Variants in CCSER1 observed in about 807,000 individuals in gnomAD.
CCSER1 encodes the protein serine-rich coiled-coil domain-containing protein 1.
In CCSER1, 41 loss-of-function variants were observed where a neutral mutation model predicts 82.0. That is an observed-to-expected ratio of 0.50 (90% CI 0.39 to 0.65). The LOEUF (loss-of-function observed/expected upper bound fraction) is 0.65. Ranked by LOEUF, CCSER1 falls within the 30% of genes least tolerant of loss-of-function variation. The pLI is 0.00. For missense variants in CCSER1, 1,119 were observed against 1,064.2 expected (o/e 1.05, Z -0.72); for synonymous variants, 414 against 383.9 (o/e 1.08, Z -0.92).
intron 3 of CCSER1, among the ~76,000 whole-genome samples, chr4:90,349,089 A>T (rs1742945343): frequency 6.6e-6 from 1 of 152,108 alleles, no homozygotes; most frequent in South Asian, 2.1e-4. Flanking sequence ...ACTGTAAGGG[A>T]TTCTGTTTTA....
intron 10 of CCSER1, among the ~76,000 whole-genome samples, chr4:91,479,529 G>T (rs897979694): frequency 5.9e-5 from 9 of 151,542 alleles, no homozygotes; most frequent in African/African-American, 2.2e-4. Context: ...ATAATGAAAG[G>T]TAAATCAAAT....
At chr4:90,877,608 T>A (rs571564360) in intron 8 of CCSER1, among the ~76,000 whole-genome samples, 2 of 151,956 alleles carry the variant, frequency 1.3e-5, no homozygotes, top group South Asian at 4.1e-4. Flanking sequence ...ACACAGATAA[T>A]TTGCTGAATA....
chr4:90,413,809 C>T (rs941147066), intron 4 of CCSER1, among the ~76,000 whole-genome samples: 6 of 149,626 alleles, frequency 4.0e-5, no homozygotes, highest in African/African-American at 1.2e-4. Context: ...ATTAGCCGCG[C>T]GTAGTGGCGG....
intron 3 of CCSER1, among the ~76,000 whole-genome samples, chr4:90,345,350 A>C (rs999440089): frequency 2.0e-5 from 3 of 152,112 alleles, no homozygotes; most frequent in Non-Finnish European, 2.9e-5. Context: ...TTTGGAATTG[A>C]AAAATTTTAA....
chr4:91,423,069 A>G (rs6835588), intron 10 of CCSER1, among the ~76,000 whole-genome samples: 21,596 of 152,126 alleles, frequency 0.14, 2,077 homozygotes, highest in African/African-American at 0.27. Flanking sequence ...ATGAAAATGC[A>G]TATCTTCTTT....
intron 5 of CCSER1, among the ~76,000 whole-genome samples, chr4:90,624,964 T>G (rs919687796): frequency 3.9e-5 from 6 of 152,218 alleles, no homozygotes; most frequent in Admixed American, 1.3e-4. Flanking sequence ...TTATGGTGAT[T>G]AATGAACCAC....
chr4:90,289,083 G>T (rs911222604), intron 1 of CCSER1, among the ~76,000 whole-genome samples: 1 of 151,932 alleles, frequency 6.6e-6, no homozygotes, highest in Non-Finnish European at 1.5e-5. Context: ...GAATGTTGCT[G>T]TGGGGTATTA....
At chr4:90,448,704 T>C (rs998974816) in intron 4 of CCSER1, among the ~76,000 whole-genome samples, 49 of 151,928 alleles carry the variant, frequency 3.2e-4, no homozygotes, top group Non-Finnish European at 5.7e-4. Flanking sequence ...AATCTATTTT[T>C]GTTGTTAATT....
At chr4:90,431,166 G>A (rs1449775163) in intron 4 of CCSER1, among the ~76,000 whole-genome samples, 1 of 152,038 alleles carries the variant, frequency 6.6e-6, no homozygotes, top group South Asian at 2.1e-4. Context: ...ATGGAGGAAT[G>A]TTAATTTAAA....
chr4:91,373,809 C>T (rs1750206098), intron 10 of CCSER1, among the ~76,000 whole-genome samples: 1 of 152,080 alleles, frequency 6.6e-6, no homozygotes, highest in Admixed American at 6.6e-5. Flanking sequence ...CAGCAATTAG[C>T]CACGTTGTGA....
chr4:91,059,843 C>T (rs976692140), intron 9 of CCSER1, among the ~76,000 whole-genome samples: 3 of 151,948 alleles, frequency 2.0e-5, no homozygotes, highest in African/African-American at 4.8e-5. Context: ...TGCTTTGGGG[C>T]AATGATTTTC....
At chr4:90,906,978 A>G (rs1404139055) in intron 8 of CCSER1, among the ~76,000 whole-genome samples, 3 of 152,162 alleles carry the variant, frequency 2.0e-5, no homozygotes, top group Non-Finnish European at 4.4e-5. Context: ...GGGGCAATAA[A>G]TTGCAAAATA....
At chr4:90,904,582 G>A (rs187305097) in intron 8 of CCSER1, among the ~76,000 whole-genome samples, 1 of 152,254 alleles carries the variant, frequency 6.6e-6, no homozygotes, top group East Asian at 1.9e-4. Context: ...TATAATGCCT[G>A]AATGCTCTGG....
At chr4:90,670,376 A>C (rs984678895) in intron 6 of CCSER1, among the ~76,000 whole-genome samples, 1 of 152,122 alleles carries the variant, frequency 6.6e-6, no homozygotes, top group Non-Finnish European at 1.5e-5. Context: ...AATTCACTAA[A>C]GCAAGAAGGT....
chr4:90,502,903 AGT>A (rs928466443), intron 5 of CCSER1, among the ~76,000 whole-genome samples: 19 of 152,130 alleles, frequency 1.2e-4, no homozygotes, highest in African/African-American at 2.9e-4. Flanking sequence ...TGTTTTCTCA[AGT>A]GAAACCAATA....
chr4:90,366,353 C>T (rs891913772), intron 3 of CCSER1, among the ~76,000 whole-genome samples: 1 of 151,532 alleles, frequency 6.6e-6, no homozygotes, highest in African/African-American at 2.4e-5. Flanking sequence ...TAACAGAGAA[C>T]TGGGTTTAAC....
rs1751181780 is a variant in CCSER1, at chr4:90,766,118, G to A, written c.2010+42127G>A. 3.3e-5 allele frequency among the ~76,000 whole-genome samples: 5 copies of A among 152,052 alleles called. No individual in the cohort carries two copies. In the South Asian group the frequency reaches 1.0e-3, roughly 32 times the overall value. On this transcript the variant is annotated intron_variant, in intron 7 of 10. Transcript: ENST00000509176. ...AGTAACCTAGAGAGGAAATTTTAGA[G>A]CATAAATTTTTAGAAATTTGGGGAC... is the stretch of plus-strand genomic sequence containing the variant.
intron 9 of CCSER1, among the ~76,000 whole-genome samples, chr4:91,030,118 ATTG>A (rs1204415942): frequency 1.3e-5 from 2 of 152,132 alleles, no homozygotes; most frequent in African/African-American, 4.8e-5. Flanking sequence ...TAAGCCATTA[ATTG>A]TTGTAAGCAA....
intron 1 of CCSER1, among the ~76,000 whole-genome samples, chr4:90,267,884 A>G (rs1400912612): frequency 6.6e-6 from 1 of 152,172 alleles, no homozygotes; most frequent in African/African-American, 2.4e-5. Context: ...GTAAGTACAA[A>G]CAAGCACAGA....
Sources: allele counts gnomAD v4.1 joint callset (sites outside exome capture counted in the v4.1 genomes callset), GRCh38; gene constraint gnomAD v4.1.1; transcripts MANE v1.5; gene names NCBI Gene and HGNC (gene_info 2026-07-23, HGNC 2026-07-21).